The following FRMPD4 variants were observed in gnomAD, a reference collection of about 807,000 sequenced individuals.
FRMPD4 encodes the protein FERM and PDZ domain-containing protein 4.
Under a neutral mutation model 94.1 loss-of-function variants are expected in FRMPD4, and 22 were observed. The ratio of observed to expected loss-of-function variants is 0.23; its 90% confidence interval spans 0.17 to 0.33. The LOEUF (loss-of-function observed/expected upper bound fraction) is 0.33. Ranked by LOEUF, FRMPD4 falls within the 10% of genes least tolerant of loss-of-function variation. The probability of loss-of-function intolerance (pLI) is 1.00; values close to 1 mark genes in which losing one functional copy is unlikely to be tolerated. For synonymous variants in FRMPD4, 631 were observed against 548.6 expected (o/e 1.15, Z -2.10); for missense variants, 1,111 against 1,339.9 (o/e 0.83, Z 2.67).
In FRMPD4 at chrX:12,569,435, T is replaced by C. The variant is rs189957309; in HGVS notation, c.159-40286T>C. ...TTTTTTCTCTCCTTAGGCATTAAGA[T>C]AGTTTCTTCTCTATGGCTCAGGTTA... On this transcript the variant is annotated intron_variant, in intron 2 of 16. Coordinates refer to ENST00000675598, the MANE Select transcript of FRMPD4 (RefSeq NM_001368397.1). Among the ~76,000 whole-genome samples, 11 of 112,167 alleles carry C rather than the reference T, an allele frequency of 9.8e-5. No individual in the cohort carries two copies. In the South Asian group the frequency reaches 1.1e-3, roughly 11 times the overall value.
At chrX:12,466,331 C>T (rs766871937) in intron 1 of FRMPD4, among the ~76,000 whole-genome samples, 4 of 112,052 alleles carry the variant, frequency 3.6e-5, no homozygotes, top group Non-Finnish European at 7.5e-5. Context: ...CAAGAAAAAA[C>T]AGAGCTGATA....
At chrX:12,247,658 A>T (rs774747235) in intron 1 of FRMPD4, among the ~76,000 whole-genome samples, 3 of 112,062 alleles carry the variant, frequency 2.7e-5, no homozygotes, top group Non-Finnish European at 5.6e-5. Flanking sequence ...AAGTGCTGGG[A>T]TTACAGGCAT....
chrX:12,343,683 G>A (rs2055654964), intron 1 of FRMPD4, among the ~76,000 whole-genome samples: 1 of 111,678 alleles, frequency 9.0e-6, no homozygotes, highest in Admixed American at 9.5e-5. Context: ...AACTGTCGCT[G>A]ACCTCTTTTC....
intron 1 of FRMPD4, among the ~76,000 whole-genome samples, chrX:12,460,468 T>C (rs2057379830): frequency 1.8e-5 from 2 of 112,032 alleles, no homozygotes; most frequent in African/African-American, 6.5e-5. Flanking sequence ...ATTCATTTTT[T>C]CCATGTGCAG....
intron 3 of FRMPD4, among the ~76,000 whole-genome samples, chrX:12,066,672 CACCTAAG>C (rs2054922267): frequency 1.8e-5 from 2 of 108,579 alleles, no homozygotes; most frequent in Non-Finnish European, 3.8e-5. Flanking sequence ...TATTGTAGAC[CACCTAAG>C]TTCCCCAAAT....
intron 3 of FRMPD4, among the ~76,000 whole-genome samples, chrX:11,998,333 A>G (rs1162552386): frequency 8.9e-6 from 1 of 112,154 alleles, no homozygotes; most frequent in Non-Finnish European, 1.9e-5. Context: ...AATGAGACAG[A>G]TAATGATGGT....
Position 12,718,761 on chromosome X carries a change from A to G in FRMPD4, c.3935A>G (p.His1312Arg). The G allele has an allele frequency of 8.3e-7, 1 of 1,202,803 alleles. No individual in the cohort carries two copies. The highest frequency in any genetic ancestry group is 2.2e-5 in the Admixed American group (1 of 46,030). Residue 1312 changes from histidine to arginine, a missense_variant, in exon 16 of 17, where the codon CAT becomes CGT. His to Arg is a conservative substitution (Grantham distance 29, BLOSUM62 0). Transcript: ENST00000675598. The stretch of plus-strand genomic sequence containing the variant: ...TTTGGCACATTGAGAGATGGATGCC[A>G]TCGGCTCCCCAAGATTAAGGAAACC... ...PLFGTLRDGC[H>R]RLPKIKETTA...
At chrX:11,868,026 A>ATTTTAT (rs1038464356) in intron 2 of FRMPD4, among the ~76,000 whole-genome samples, 19 of 111,077 alleles carry the variant, frequency 1.7e-4, no homozygotes, top group African/African-American at 5.6e-4. Flanking sequence ...GCTCTTATTT[A>ATTTTAT]TTTTATTTTT....
chrX:12,050,190 C>T (rs1392900914), intron 3 of FRMPD4, among the ~76,000 whole-genome samples: 1 of 111,719 alleles, frequency 9.0e-6, no homozygotes, highest in Non-Finnish European at 1.9e-5. Flanking sequence ...TTAGTCACCA[C>T]TCACTCACTG....
intron 1 of FRMPD4, among the ~76,000 whole-genome samples, chrX:12,206,935 A>C (rs1185554913): frequency 8.9e-6 from 1 of 112,564 alleles, no homozygotes; most frequent in East Asian, 2.8e-4. Context: ...TTTGTTATAC[A>C]GTAATGTTTT....
At position 12,305,725 on chromosome X, in the gene FRMPD4, G is replaced by GTTTTTTTTTTTTTTTTT. The variant is rs58794898; in HGVS notation, c.41+166719_41+166735dup. ...GGCATGTACCACCACAGCTGGCTAA[G>GTTTTTTTTTTTTTTTTT]TTTTTTTTTTTTTTTTTTTTTTACA... On this transcript the variant is annotated intron_variant, in intron 1 of 16. Coordinates refer to ENST00000675598, the MANE Select transcript of FRMPD4 (RefSeq NM_001368397.1). Among the ~76,000 whole-genome samples the GTTTTTTTTTTTTTTTTT allele has an allele frequency of 1.9e-3, 114 of 59,693 alleles. 7 individuals are homozygous for GTTTTTTTTTTTTTTTTT. Among genetic ancestry groups the GTTTTTTTTTTTTTTTTT allele is most frequent in the Admixed American group, 4.8e-3 (17 of 3,519 alleles). 51.8% of individuals were successfully genotyped at this position (59,693 alleles called of 115,157 possible). A position where few individuals can be genotyped will look rare whatever the true frequency, so the allele number is the denominator to read the frequency against.
intron 3 of FRMPD4, among the ~76,000 whole-genome samples, chrX:11,892,689 C>G (rs779850723): frequency 8.9e-6 from 1 of 112,425 alleles, no homozygotes; most frequent in Admixed American, 9.4e-5. Context: ...AGTCTAATCT[C>G]CCATTTCCTA....
intron 1 of FRMPD4, among the ~76,000 whole-genome samples, chrX:12,244,740 G>T (rs756536873): frequency 1.8e-5 from 2 of 112,771 alleles, no homozygotes; most frequent in Non-Finnish European, 3.7e-5. Context: ...GGCTCCGAAG[G>T]ATAGGTCACA....
chrX:12,677,010 C>G (rs899114438), intron 5 of FRMPD4, among the ~76,000 whole-genome samples: 1 of 111,811 alleles, frequency 8.9e-6, no homozygotes, highest in African/African-American at 3.3e-5. Flanking sequence ...TAAATAAATC[C>G]TTCTCACCTT....
chrX:12,151,108 T>TGTGAAAA, intron 1 of FRMPD4, among the ~76,000 whole-genome samples: 1 of 111,715 alleles, frequency 9.0e-6, no homozygotes, highest in Non-Finnish European at 1.9e-5. Flanking sequence ...AATTAAAATA[T>TGTGAAAA]AGCACTACCT....
At chrX:12,514,468 A>G (rs1026815642) in intron 2 of FRMPD4, among the ~76,000 whole-genome samples, 2 of 110,748 alleles carry the variant, frequency 1.8e-5, no homozygotes, top group African/African-American at 3.3e-5. Flanking sequence ...CACGTCTATT[A>G]TCAAATGGTT....
chrX:12,412,568 T>G (rs1235129180), intron 1 of FRMPD4, among the ~76,000 whole-genome samples: 2 of 112,554 alleles, frequency 1.8e-5, no homozygotes, highest in Non-Finnish European at 3.8e-5. Context: ...AGATAATCAC[T>G]TCTGGATAAA....
At chrX:12,088,427 A>G (rs2055128312) in intron 3 of FRMPD4, among the ~76,000 whole-genome samples, 2 of 112,096 alleles carry the variant, frequency 1.8e-5, no homozygotes, top group African/African-American at 6.5e-5. Context: ...GCAGGAGCAT[A>G]AACATTCAGT....
intron 3 of FRMPD4, among the ~76,000 whole-genome samples, chrX:12,042,505 C>T (rs1215602346): frequency 9.0e-6 from 1 of 111,405 alleles, no homozygotes; most frequent in Non-Finnish European, 1.9e-5. Context: ...ATCTGTATAG[C>T]TTAGCACTCA....
Sources: allele counts gnomAD v4.1 joint callset (sites outside exome capture counted in the v4.1 genomes callset), GRCh38; gene constraint gnomAD v4.1.1; transcripts MANE v1.5; gene names NCBI Gene and HGNC (gene_info 2026-07-23, HGNC 2026-07-21).